The following GAS6 variants were observed in gnomAD, a reference collection of about 807,000 sequenced individuals.
The protein encoded by GAS6 is growth arrest specific 6.
A neutral mutation model predicts 75.8 loss-of-function variants in GAS6; 41 were observed. The ratio of observed to expected loss-of-function variants is 0.54; its 90% CI spans 0.42 to 0.70. The LOEUF (loss-of-function observed/expected upper bound fraction) is 0.70, where lower values mean the gene tolerates loss of function less well. Ranked by LOEUF, GAS6 falls within the 30% of genes least tolerant of loss-of-function variation. The pLI is 0.00. For missense variants in GAS6, 854 were observed against 940.2 expected (o/e 0.91, Z 1.20); for synonymous variants, 432 against 412.6 (o/e 1.05, Z -0.57).
At chr13:113,836,511 G>A (rs1394577042) in intron 6 of GAS6, among the ~76,000 whole-genome samples, 1 of 2,006 alleles carries the variant, frequency 5.0e-4, no homozygotes, top group African/African-American at 2.9e-3. Flanking sequence ...AGGAGGAGAA[G>A]CAGGGAGGAA....
chr13:113,863,484 C>T lies in GAS6; in HGVS notation c.255+91G>A. On this transcript the variant is annotated intron_variant, in intron 2 of 14. Transcript: ENST00000327773. This position sits in a 1 kb window ranked among gnomAD's most constrained non-coding sequence, Gnocchi z 9.4. ...TGAGGCCAGGCCTCGCCGCGCGGAG[C>T]TGGGGGGCGGCAGCAGCGCTGCCTC... is the stretch of plus-strand genomic sequence containing the variant. 1.5e-6 allele frequency: 2 copies of T among 1,307,964 alleles called. No homozygotes were observed. The highest frequency in any genetic ancestry group is 3.2e-5 in the East Asian group (1 of 31,696). The allele number at this position is 1,307,964 out of a possible 1,614,324, so 81.0% of individuals were successfully genotyped here.
At chr13:113,862,544 G>C (rs1269719913) in intron 2 of GAS6, among the ~76,000 whole-genome samples, 1 of 152,234 alleles carries the variant, frequency 6.6e-6, no homozygotes, top group Non-Finnish European at 1.5e-5. Flanking sequence ...GCACGGGCCT[G>C]TGGGGCTGTG....
At chr13:113,832,094 G>A (rs1249408230) in intron 10 of GAS6, among the ~76,000 whole-genome samples, 3 of 131,246 alleles carry the variant, frequency 2.3e-5, no homozygotes, top group Non-Finnish European at 3.3e-5. Flanking sequence ...AGGGGTCCCC[G>A]TCCCCCGGAG....
At chr13:113,834,744 A>AT in intron 7 of GAS6, 72 bp from the exon 8 acceptor site, 1 of 1,348,718 alleles carries the variant, frequency 7.4e-7, no homozygotes, top group Non-Finnish European at 9.6e-7. Flanking sequence ...TCACACCGCG[A>AT]TTGCTCAAAC....
intron 14 of GAS6, 75 bp downstream of exon 14, chr13:113,821,883 G>C: frequency 8.4e-7 from 1 of 1,185,900 alleles, no homozygotes; most frequent in Non-Finnish European, 1.2e-6. Flanking sequence ...AGCCTGTCCA[G>C]GTTAGATCTG....
intron 6 of GAS6, 27 bp from the exon 7 acceptor site, chr13:113,835,662 C>T (rs1406609190): frequency 1.9e-6 from 3 of 1,607,588 alleles, no homozygotes; most frequent in Admixed American, 3.3e-5. Context: ...ACCGGCCAAC[C>T]GCAGCACAGC....
chr13:113,858,525 ATG>A (rs2051933749), intron 2 of GAS6, among the ~76,000 whole-genome samples: 1 of 116,486 alleles, frequency 8.6e-6, no homozygotes, highest in Non-Finnish European at 1.6e-5. Context: ...ATCTATGTGA[ATG>A]TGTGCATGTC....
intron 13 of GAS6, 43 bp downstream of exon 13, chr13:113,823,332 T>C (rs1363890522): frequency 1.3e-6 from 2 of 1,563,768 alleles, no homozygotes; most frequent in Non-Finnish European, 1.7e-6. Flanking sequence ...CACGTACCCG[T>C]GGGTCGAGCC....
At chr13:113,835,782 CCCT>C in intron 6 of GAS6, 147 bp from the exon 7 acceptor site, 1 of 1,458,510 alleles carries the variant, frequency 6.9e-7, no homozygotes, top group Non-Finnish European at 9.0e-7. Flanking sequence ...CATTTCCCTG[CCCT>C]CCTCCCCTGA....
chr13:113,835,269 A>C (rs966807313), intron 7 of GAS6, among the ~76,000 whole-genome samples: 1 of 152,234 alleles, frequency 6.6e-6, no homozygotes, highest in East Asian at 1.9e-4. Flanking sequence ...ACGTGTGTAC[A>C]TGCGGTGTAT....
chr13:113,826,972 C>T (rs774686936), intron 12 of GAS6, 24 bp downstream of exon 12: 3 of 1,605,096 alleles, frequency 1.9e-6, no homozygotes, highest in Non-Finnish European at 2.6e-6. Flanking sequence ...CACAGCCACC[C>T]CAACGGTAAG....
Position 113,834,520 on chromosome 13 carries a change from T to C in GAS6, c.834+31A>G, listed in dbSNP as rs111680303. On this transcript the variant is annotated intron_variant, in intron 8 of 14. Transcript: ENST00000327773. ...CCGGCGAGGGCCCCCGGAACCACCG[T>C]GAAGGGCCCGCGGGGCCAGGGGCCG... The C allele has an allele frequency of 2.1e-3, 3,150 of 1,498,262 alleles. 66 individuals are homozygous for C. In the African/African-American group the frequency reaches 0.04, roughly 19 times the overall value. 92.8% of individuals were successfully genotyped at this position (1,498,262 alleles called of 1,614,324 possible).
At chr13:113,840,882 C>A (rs549212091) in intron 4 of GAS6, 33 of 152,370 alleles carry the variant, frequency 2.2e-4, no homozygotes, top group African/African-American at 7.7e-4. Flanking sequence ...AGAGAGGGCT[C>A]CGGTCCATTG....
At chr13:113,855,176 G>A (rs2051904574) in intron 2 of GAS6, among the ~76,000 whole-genome samples, 1 of 151,566 alleles carries the variant, frequency 6.6e-6, no homozygotes, top group Admixed American at 6.6e-5. Context: ...TCCGGTGAGG[G>A]CGTCTCCTGC....
In GAS6 at chr13:113,826,613, G is replaced by A. The variant is rs367642492; in HGVS notation, c.1477+383C>T. On this transcript the variant is annotated intron_variant, in intron 12 of 14. Transcript: ENST00000327773. ...AGGCACCTTCTCTCCCCGGCCTCCC[G>A]GCGCCGGCCTCGCAGGCACCTTCTC... is the stretch of plus-strand genomic sequence containing the variant. 1.4e-3 allele frequency among the ~76,000 whole-genome samples: 64 copies of A among 46,266 alleles called. 4 individuals are homozygous for A. Among genetic ancestry groups the A allele is most frequent in the African/African-American group, 7.2e-3 (38 of 5,274 alleles). The allele number at this position is 46,266 out of a possible 152,430, so 30.4% of individuals were successfully genotyped here.
intron 2 of GAS6, among the ~76,000 whole-genome samples, chr13:113,861,946 C>A (rs1458523503): frequency 3.9e-5 from 6 of 152,124 alleles, no homozygotes; most frequent in Non-Finnish European, 7.4e-5. Flanking sequence ...GCCTCCCGGG[C>A]ACCAAAGCCA....
intron 2 of GAS6, among the ~76,000 whole-genome samples, chr13:113,854,748 G>C (rs548624523): frequency 3.3e-5 from 5 of 152,238 alleles, no homozygotes; most frequent in African/African-American, 1.2e-4. Flanking sequence ...GCATCCTTGC[G>C]GGCCCTGAGA....
Position 113,848,168 on chromosome 13 carries a change from C to T in GAS6, c.256-118G>A. 9.3e-7 allele frequency: 1 copy of T among 1,072,450 alleles called. No individual in the cohort carries two copies. The highest frequency in any genetic ancestry group is 1.4e-6 in the Non-Finnish European group (1 of 720,134). The allele number at this position is 1,072,450 out of a possible 1,614,324, so 66.4% of individuals were successfully genotyped here. On this transcript the variant is annotated intron_variant, in intron 2 of 14. Coordinates refer to ENST00000327773, the MANE Select transcript of GAS6 (RefSeq NM_000820.4). The surrounding 1 kb of genome is among the most constrained non-coding windows in gnomAD (Gnocchi z 4.8). ...CTCTCGGGGCAGCCAGAGGGCCGCC[C>T]CACCCGGGGAACTGAGGGGAAGTGA...
chr13:113,858,760 T>A (rs1021445408), intron 2 of GAS6, among the ~76,000 whole-genome samples: 1 of 151,912 alleles, frequency 6.6e-6, no homozygotes, highest in Admixed American at 6.6e-5. Context: ...AGTATGTGTG[T>A]GCGTGTCATT....
Sources: allele counts gnomAD v4.1 joint callset (sites outside exome capture counted in the v4.1 genomes callset), GRCh38; gene constraint gnomAD v4.1.1; non-coding constraint Gnocchi (gnomAD v3.1); transcripts MANE v1.5; gene names NCBI Gene and HGNC (gene_info 2026-07-23, HGNC 2026-07-21).